The following ALK variants were observed in gnomAD, a reference collection of about 807,000 sequenced individuals.
The protein encoded by ALK is ALK tyrosine kinase receptor.
A neutral mutation model predicts 163.1 loss-of-function variants in ALK; 74 were observed. The ratio of observed to expected loss-of-function variants is 0.45; its 90% CI spans 0.38 to 0.55. The LOEUF is 0.55. ALK is among the 20% of genes least tolerant of loss of function. The probability of loss-of-function intolerance (pLI) is 0.00; values close to 1 mark genes in which losing one functional copy is unlikely to be tolerated. For missense variants in ALK, 2,063 were observed against 2,105.3 expected (o/e 0.98, Z 0.39); for synonymous variants, 960 against 843.2 (o/e 1.14, Z -2.40).
chr2:29,515,241 C>A (rs1163560575), intron 4 of ALK, among the ~76,000 whole-genome samples: 1 of 152,202 alleles, frequency 6.6e-6, no homozygotes, highest in Non-Finnish European at 1.5e-5. Context: ...GCTCAGGTCC[C>A]TACTTGCAAG....
chr2:29,337,412 C>A (rs985989302), intron 5 of ALK, among the ~76,000 whole-genome samples: 4 of 152,188 alleles, frequency 2.6e-5, no homozygotes, highest in Non-Finnish European at 5.9e-5. Flanking sequence ...AAGTCTCTTT[C>A]TCTCTGGGCC....
intron 1 of ALK, among the ~76,000 whole-genome samples, chr2:29,806,893 A>G (rs1201148843): frequency 6.6e-6 from 1 of 152,206 alleles, no homozygotes; most frequent in Non-Finnish European, 1.5e-5. Context: ...GGGTTCTTGG[A>G]GGAAAAGACC....
At chr2:29,665,099 C>T (rs1018767011) in intron 3 of ALK, among the ~76,000 whole-genome samples, 1 of 150,426 alleles carries the variant, frequency 6.6e-6, no homozygotes, top group African/African-American at 2.5e-5. Flanking sequence ...CTCCTGGGCT[C>T]AAGTGATCCT....
chr2:29,274,282 T>C (rs1257870357), intron 11 of ALK, among the ~76,000 whole-genome samples: 1 of 152,270 alleles, frequency 6.6e-6, no homozygotes, highest in African/African-American at 2.4e-5. Flanking sequence ...AATTAGAGAT[T>C]TATCATTGAT....
intron 3 of ALK, among the ~76,000 whole-genome samples, chr2:29,650,275 T>A (rs1013360808): frequency 1.3e-5 from 2 of 152,152 alleles, no homozygotes; most frequent in African/African-American, 2.4e-5. Context: ...CCAGACCCCA[T>A]CCTGAAGCCA....
At chr2:29,223,706 G>T in intron 19 of ALK, 178 bp from the exon 20 acceptor site, 1 of 628,758 alleles carries the variant, frequency 1.6e-6, no homozygotes, top group Non-Finnish European at 2.8e-6. Context: ...TTTAATTGAA[G>T]CATGATTTAA....
chr2:29,554,697 T>C (rs1673801272), intron 3 of ALK, among the ~76,000 whole-genome samples: 1 of 152,140 alleles, frequency 6.6e-6, no homozygotes, highest in South Asian at 2.1e-4. Flanking sequence ...CCATCTTGAA[T>C]AGGGTCTGGG....
intron 4 of ALK, among the ~76,000 whole-genome samples, chr2:29,507,532 T>C (rs1157946538): frequency 6.6e-6 from 1 of 152,184 alleles, no homozygotes. Flanking sequence ...TGGTAAATTT[T>C]ATGTGCATTT....
intron 1 of ALK, among the ~76,000 whole-genome samples, chr2:29,748,613 T>G (rs1680271142): frequency 2.0e-5 from 3 of 152,100 alleles, no homozygotes; most frequent in Admixed American, 2.0e-4. Context: ...ACAGACACAA[T>G]CCCAGGTCAC....
At chr2:29,509,283 T>C (rs1456327419) in intron 4 of ALK, among the ~76,000 whole-genome samples, 1 of 152,192 alleles carries the variant, frequency 6.6e-6, no homozygotes, top group African/African-American at 2.4e-5. Flanking sequence ...CCTCAACACA[T>C]CCCTGGTTTC....
At chr2:29,692,136 C>T (rs1397916831) in intron 3 of ALK, among the ~76,000 whole-genome samples, 2 of 152,134 alleles carry the variant, frequency 1.3e-5, no homozygotes, top group Non-Finnish European at 2.9e-5. Context: ...TGAAATAAAA[C>T]AGATTTCTAT....
intron 3 of ALK, among the ~76,000 whole-genome samples, chr2:29,592,321 T>A (rs1157600789): frequency 2.0e-5 from 3 of 152,170 alleles, no homozygotes; most frequent in Non-Finnish European, 4.4e-5. Flanking sequence ...CACAAAGCCC[T>A]GTGTGCTCTG....
At chr2:29,450,371 C>T (rs997009069) in intron 4 of ALK, among the ~76,000 whole-genome samples, 2 of 152,156 alleles carry the variant, frequency 1.3e-5, no homozygotes, top group Non-Finnish European at 2.9e-5. Context: ...ATTGGGCCAG[C>T]CCTCTAATTG....
intron 4 of ALK, among the ~76,000 whole-genome samples, chr2:29,494,843 C>CGTGTGT (rs35306598): frequency 0.042 from 6,114 of 147,266 alleles, 187 homozygotes; most frequent in African/African-American, 0.082. Flanking sequence ...TTTAGAGACT[C>CGTGTGT]GTGTGTGTGT....
At chr2:29,385,252 A>T (rs1221388524) in intron 4 of ALK, among the ~76,000 whole-genome samples, 2 of 152,082 alleles carry the variant, frequency 1.3e-5, no homozygotes, top group Non-Finnish European at 2.9e-5. Context: ...AGTGATGCTC[A>T]CTGTAAAAAA....
At chr2:29,222,758 T>C (rs895483092) in intron 20 of ALK, 151 bp from the exon 21 acceptor site, 1 of 676,228 alleles carries the variant, frequency 1.5e-6, no homozygotes. Context: ...TCAACATGGC[T>C]TTGCTATGCA....
chr2:29,458,548 C>T (rs1319286166), intron 4 of ALK, among the ~76,000 whole-genome samples: 1 of 152,148 alleles, frequency 6.6e-6, no homozygotes, highest in Non-Finnish European at 1.5e-5. Context: ...ATGCCTTCAA[C>T]ACAATCTTGA....
chr2:29,822,141 A>G (rs1440656141), intron 1 of ALK, among the ~76,000 whole-genome samples: 1 of 152,182 alleles, frequency 6.6e-6, no homozygotes, highest in East Asian at 1.9e-4. Flanking sequence ...ATCAGCTCCC[A>G]AGTCCCAATG....
intron 1 of ALK, among the ~76,000 whole-genome samples, chr2:29,893,874 C>T (rs1320761993): frequency 1.3e-5 from 2 of 152,062 alleles, no homozygotes; most frequent in Non-Finnish European, 2.9e-5. Context: ...AGCAGAATGA[C>T]CTTGAGCAAG....
Sources: gnomAD v4.1 joint callset for allele counts (sites outside exome capture counted in the v4.1 genomes callset) on GRCh38, gnomAD v4.1.1 for gene constraint, MANE v1.5 for transcripts, NCBI Gene and HGNC (gene_info 2026-07-23, HGNC 2026-07-21) for gene names.